DACH1: variants seen among roughly 807,000 people sequenced by gnomAD.
The protein encoded by DACH1 is dachshund family transcription factor 1.
A neutral mutation model predicts 54.2 loss-of-function variants in DACH1; 12 were observed. That is an observed-to-expected ratio of 0.22 (90% CI 0.14 to 0.36). The LOEUF is 0.36. Among genes scored for constraint, DACH1 ranks in the 10% least tolerant of loss-of-function variants. The pLI is 1.00. For missense variants in DACH1, 805 were observed against 929.8 expected (o/e 0.87, Z 1.75); for synonymous variants, 386 against 366.2 (o/e 1.05, Z -0.62).
At chr13:71,528,600 C>T (rs1385467040) in intron 6 of DACH1, among the ~76,000 whole-genome samples, 2 of 151,458 alleles carry the variant, frequency 1.3e-5, no homozygotes, top group Admixed American at 6.6e-5. Flanking sequence ...GCTAATGTTT[C>T]TTTCTATTTT....
At chr13:71,745,972 C>A (rs920018487) in intron 1 of DACH1, among the ~76,000 whole-genome samples, 2 of 152,210 alleles carry the variant, frequency 1.3e-5, no homozygotes, top group Non-Finnish European at 2.9e-5. Flanking sequence ...GTAATCCCAG[C>A]ACTTTCGGAG....
At chr13:71,530,464 A>C (rs1882340474) in intron 6 of DACH1, among the ~76,000 whole-genome samples, 2 of 152,126 alleles carry the variant, frequency 1.3e-5, no homozygotes, top group Admixed American at 1.3e-4. Flanking sequence ...TAAAAAAAAA[A>C]GTTATTTGAA....
intron 6 of DACH1, among the ~76,000 whole-genome samples, chr13:71,490,358 T>C (rs1212297293): frequency 6.6e-6 from 1 of 152,200 alleles, no homozygotes; most frequent in Non-Finnish European, 1.5e-5. Flanking sequence ...CCCTCACTAA[T>C]GTCAGAACAA....
At chr13:71,727,445 T>G (rs1166150359) in intron 1 of DACH1, among the ~76,000 whole-genome samples, 1 of 152,122 alleles carries the variant, frequency 6.6e-6, no homozygotes, top group Non-Finnish European at 1.5e-5. Context: ...TTCGCCTGTC[T>G]TCATCACCAA....
chr13:71,663,455 A>G (rs1879638104), intron 2 of DACH1, among the ~76,000 whole-genome samples: 1 of 152,002 alleles, frequency 6.6e-6, no homozygotes, highest in Admixed American at 6.6e-5. Context: ...GCCTAGGTTC[A>G]GGTGAAAAAC....
chr13:71,556,851 A>ATC (rs1884284134), intron 6 of DACH1, among the ~76,000 whole-genome samples, 173 bp downstream of exon 6: 1 of 151,962 alleles, frequency 6.6e-6, no homozygotes, highest in South Asian at 2.1e-4. Context: ...CTTCATTCTT[A>ATC]TCTCTTTTTT....
At chr13:71,585,483 T>A (rs747298806) in intron 3 of DACH1, among the ~76,000 whole-genome samples, 3 of 152,120 alleles carry the variant, frequency 2.0e-5, no homozygotes, top group Non-Finnish European at 4.4e-5. Flanking sequence ...TGGAAGATGT[T>A]TGCAGGCCTT....
chr13:71,507,156 A>AGG (rs1247386826), intron 6 of DACH1, among the ~76,000 whole-genome samples: 10 of 152,158 alleles, frequency 6.6e-5, no homozygotes, highest in Non-Finnish European at 1.3e-4. Flanking sequence ...CAACCTACTC[A>AGG]TCTTAAGATT....
rs954669864 is a variant in DACH1, at chr13:71,533,307, A to G, written c.1570+23717T>C. Among the ~76,000 whole-genome samples the G allele has an allele frequency of 2.0e-5, 3 of 151,950 alleles. No individual in the cohort carries two copies. In the East Asian group the frequency reaches 5.8e-4, roughly 29 times the overall value. On this transcript the variant is annotated intron_variant, in intron 6 of 10. Coordinates refer to ENST00000613252, the MANE Select transcript of DACH1 (RefSeq NM_080759.6). ...CATTTGGAAGTCAGCTTTCAAGGAA[A>G]TAAAAAAGTTTCATAAGTAATTCCT...
rs1379139296 is a variant in DACH1 at position 71,483,453 on chromosome 13, TA to T, written c.1723-4138del. 4.1e-5 allele frequency among the ~76,000 whole-genome samples: 6 copies of T among 146,606 alleles called. No homozygotes were observed. In the East Asian group the frequency reaches 1.2e-3, roughly 29 times the overall value. ...TATATTTATATAAAAATTAATATAA[TA>T]AATAACAAATAATACCTTATAATAA... On this transcript the variant is annotated intron_variant, in intron 7 of 10. Transcript: ENST00000613252.
chr13:71,646,376 C>A (rs1349970861), intron 2 of DACH1, among the ~76,000 whole-genome samples: 1 of 151,516 alleles, frequency 6.6e-6, no homozygotes, highest in Non-Finnish European at 1.5e-5. Context: ...CTTCTGTAAT[C>A]GTTTTTCTTT....
At chr13:71,582,888 A>T (rs1488427128) in intron 3 of DACH1, among the ~76,000 whole-genome samples, 7 of 152,310 alleles carry the variant, frequency 4.6e-5, no homozygotes, top group Admixed American at 4.6e-4. Context: ...GATCAGCAGC[A>T]ATACAGATAA....
chr13:71,865,330 C>T (rs532162803), intron 1 of DACH1, among the ~76,000 whole-genome samples: 51 of 152,256 alleles, frequency 3.3e-4, no homozygotes, highest in African/African-American at 1.2e-3. Context: ...CCCTCCCGAC[C>T]TCAAAGTGCC....
rs1049896373 is a variant in DACH1, at chr13:71,438,062, A to G, written c.*2593T>C. The stretch of plus-strand genomic sequence containing the variant: ...GGTTCTCACATTGAAACCAGGCTCA[A>G]ATAACTAGGCTACCATAGAAAAATT... On this transcript the variant is annotated 3_prime_UTR_variant, in exon 11 of 11. Coordinates refer to ENST00000613252, the MANE Select transcript of DACH1 (RefSeq NM_080759.6). 2 of 152,458 alleles carry G rather than the reference A, an allele frequency of 1.3e-5. No homozygotes were observed. The highest frequency in any genetic ancestry group is 2.4e-5 in the African/African-American group (1 of 41,450). 9.4% of individuals were successfully genotyped at this position (152,458 alleles called of 1,614,324 possible).
intron 1 of DACH1, among the ~76,000 whole-genome samples, chr13:71,688,199 AG>A: frequency 6.6e-6 from 1 of 152,368 alleles, no homozygotes; most frequent in African/African-American, 2.4e-5. Flanking sequence ...AATAAACCTC[AG>A]GAAATAGACC....
chr13:71,651,997 C>G (rs571753129), intron 2 of DACH1, among the ~76,000 whole-genome samples: 2 of 152,078 alleles, frequency 1.3e-5, no homozygotes, highest in African/African-American at 4.8e-5. Context: ...ATTAATGAAC[C>G]CTTCATGAGT....
chr13:71,669,369 T>C (rs1026433817), intron 2 of DACH1, among the ~76,000 whole-genome samples: 1 of 152,176 alleles, frequency 6.6e-6, no homozygotes, highest in African/African-American at 2.4e-5. Flanking sequence ...AGGAACCCTA[T>C]TGTGAACTGC....
At chr13:71,562,131 A>T (rs1884622854) in intron 4 of DACH1, among the ~76,000 whole-genome samples, 1 of 152,174 alleles carries the variant, frequency 6.6e-6, no homozygotes, top group Non-Finnish European at 1.5e-5. Context: ...ATATGTGCTG[A>T]TAGGCTTCTG....
intron 1 of DACH1, among the ~76,000 whole-genome samples, chr13:71,696,492 G>T (rs541331405): frequency 6.6e-6 from 1 of 151,950 alleles, no homozygotes; most frequent in East Asian, 1.9e-4. Context: ...AAATGTTTCA[G>T]CCTTAAGTAA....
Sources: gnomAD v4.1 joint callset for allele counts (sites outside exome capture counted in the v4.1 genomes callset) on GRCh38, gnomAD v4.1.1 for gene constraint, MANE v1.5 for transcripts, NCBI Gene and HGNC (gene_info 2026-07-23, HGNC 2026-07-21) for gene names.